Variants in DCDC1 observed in about 807,000 individuals in gnomAD.
The protein encoded by DCDC1 is doublecortin domain-containing protein 1.
Under a neutral mutation model 178.3 loss-of-function variants are expected in DCDC1, and 200 were observed. The observed-to-expected ratio is 1.12, with a 90% CI of 1.00 to 1.26. The LOEUF (loss-of-function observed/expected upper bound fraction) is 1.26. DCDC1 is among the 50% of genes most tolerant of loss of function. The pLI, the probability that DCDC1 is intolerant of heterozygous loss-of-function variation, is 0.00. For synonymous variants in DCDC1, 690 were observed against 604.8 expected, an observed-to-expected ratio of 1.14 and a Z score of -2.07; for missense variants, 1,983 against 1,749.2, an observed-to-expected ratio of 1.13 and a Z score of -2.38.
intron 34 of DCDC1, 141 bp from the exon 35 acceptor site, chr11:30,894,525 G>A: frequency 8.3e-7 from 1 of 1,199,312 alleles, no homozygotes; most frequent in Non-Finnish European, 1.1e-6. Flanking sequence ...AAGCAAAGAT[G>A]CCTAAGGTAA....
chr11:30,905,889 G>T (rs1945023427), intron 30 of DCDC1, among the ~76,000 whole-genome samples: 1 of 152,196 alleles, frequency 6.6e-6, no homozygotes. Flanking sequence ...TGGGGATGAG[G>T]TGAGCAAGCC....
At chr11:30,942,092 G>A (rs551495118) in intron 21 of DCDC1, among the ~76,000 whole-genome samples, 1 of 152,256 alleles carries the variant, frequency 6.6e-6, no homozygotes, top group South Asian at 2.1e-4. Flanking sequence ...ATATTGCAGA[G>A]GGTAGATGAT....
At chr11:31,048,949 T>C (rs1353420237) in intron 20 of DCDC1, among the ~76,000 whole-genome samples, 1 of 152,122 alleles carries the variant, frequency 6.6e-6, no homozygotes, top group Non-Finnish European at 1.5e-5. Flanking sequence ...TATTCTTAAC[T>C]TATTTGAAAT....
intron 20 of DCDC1, among the ~76,000 whole-genome samples, chr11:30,970,107 TG>T (rs539952304): frequency 3.1e-3 from 475 of 152,294 alleles, no homozygotes; most frequent in Non-Finnish European, 4.2e-3. Context: ...ATCCCCAGTG[TG>T]GGGAAAGGGT....
intron 9 of DCDC1, among the ~76,000 whole-genome samples, chr11:31,195,197 T>C (rs989546886): frequency 6.6e-6 from 1 of 152,058 alleles, no homozygotes; most frequent in Non-Finnish European, 1.5e-5. Flanking sequence ...GTAGGAATTG[T>C]GATATAGCGA....
At chr11:31,175,780 C>T (rs1226145385) in intron 9 of DCDC1, among the ~76,000 whole-genome samples, 1 of 152,186 alleles carries the variant, frequency 6.6e-6, no homozygotes, top group African/African-American at 2.4e-5. Flanking sequence ...GCCACTAAAG[C>T]AATCACAGAT....
chr11:30,953,866 AGC>A (rs1321816882), intron 20 of DCDC1, among the ~76,000 whole-genome samples: 1 of 152,148 alleles, frequency 6.6e-6, no homozygotes, highest in African/African-American at 2.4e-5. Context: ...AAAATATAAT[AGC>A]AAATCTCTTG....
rs574794263 is a variant in DCDC1 at position 31,257,564 on chromosome 11, C to T, written c.1054+7943G>A. Among the ~76,000 whole-genome samples, 269 of 152,070 alleles carry T rather than the reference C, an allele frequency of 1.8e-3. 1 individual carries two copies. Among genetic ancestry groups the T allele is most frequent in the African/African-American group, 6.3e-3 (261 of 41,494 alleles). Reference sequence around the variant, plus strand: ...TGAAAATATGCTTAATTATTATGATCAGAATAGAACAGTGTATGCATGAAA... The same window carrying T: ...TGAAAATATGCTTAATTATTATGATTAGAATAGAACAGTGTATGCATGAAA... On this transcript the variant is annotated intron_variant, in intron 8 of 38. Coordinates refer to ENST00000684477, the MANE Select transcript of DCDC1 (RefSeq NM_001387274.1).
intron 3 of DCDC1, among the ~76,000 whole-genome samples, chr11:31,315,367 G>C (rs1329342320): frequency 4.2e-5 from 5 of 120,084 alleles, no homozygotes; most frequent in African/African-American, 9.5e-5. Context: ...ACCCAGGCTG[G>C]AGTACAGTGG....
At chr11:30,912,727 T>C (rs172073) in intron 27 of DCDC1, among the ~76,000 whole-genome samples, 103,129 of 152,062 alleles carry the variant, frequency 0.68, 35,320 homozygotes, top group Middle Eastern at 0.8. Context: ...TCCTGAACCC[T>C]AGCCTTGGGG....
chr11:30,888,126 G>GAAAGAA (rs1565030157), intron 36 of DCDC1, among the ~76,000 whole-genome samples: 1 of 127,940 alleles, frequency 7.8e-6, no homozygotes, highest in Non-Finnish European at 1.7e-5. Context: ...AAGAAAGAAA[G>GAAAGAA]AAAGAAAGAA....
intron 9 of DCDC1, among the ~76,000 whole-genome samples, chr11:31,180,863 G>C (rs1470654590): frequency 6.6e-6 from 1 of 151,838 alleles, no homozygotes; most frequent in Non-Finnish European, 1.5e-5. Context: ...CAGTGAGACA[G>C]AACTGTTCAC....
At chr11:31,209,792 T>C (rs935161281) in intron 9 of DCDC1, among the ~76,000 whole-genome samples, 1 of 151,838 alleles carries the variant, frequency 6.6e-6, no homozygotes, top group Admixed American at 6.6e-5. Context: ...GTCAAGAGAG[T>C]AGAAGAATTG....
intron 38 of DCDC1, among the ~76,000 whole-genome samples, chr11:30,877,048 G>T (rs551666469): frequency 6.4e-4 from 98 of 152,248 alleles, no homozygotes; most frequent in African/African-American, 2.2e-3. Flanking sequence ...TAGAGAAAAT[G>T]TCTGTAAAAG....
chr11:31,352,389 A>T (rs17248064), intron 1 of DCDC1, among the ~76,000 whole-genome samples: 43,267 of 152,090 alleles, frequency 0.28, 7,015 homozygotes, highest in Non-Finnish European at 0.35. Flanking sequence ...TGTTTTTACT[A>T]AACAAGTTCA....
chr11:31,023,858 A>G (rs1953053263), intron 20 of DCDC1, among the ~76,000 whole-genome samples: 1 of 152,122 alleles, frequency 6.6e-6, no homozygotes, highest in South Asian at 2.1e-4. Context: ...TTTTAAAATT[A>G]TCCACCAAAT....
At chr11:31,209,899 C>T (rs1421302619) in intron 9 of DCDC1, among the ~76,000 whole-genome samples, 1 of 152,156 alleles carries the variant, frequency 6.6e-6, no homozygotes, top group East Asian at 1.9e-4. Flanking sequence ...GAAAGAGGGA[C>T]AGTCAGTCCA....
At chr11:31,008,519 G>A (rs1453026865) in intron 20 of DCDC1, among the ~76,000 whole-genome samples, 1 of 152,282 alleles carries the variant, frequency 6.6e-6, no homozygotes, top group East Asian at 1.9e-4. Flanking sequence ...AGCTGCTACA[G>A]GTGTTTCAAA....
At chr11:31,316,970 A>C (rs1246202940) in intron 3 of DCDC1, among the ~76,000 whole-genome samples, 1 of 44,176 alleles carries the variant, frequency 2.3e-5, no homozygotes, top group Non-Finnish European at 3.7e-5. Flanking sequence ...AGTTGTAGAT[A>C]TGCGGCATTA....
Sources: gnomAD v4.1 joint callset for allele counts (sites outside exome capture counted in the v4.1 genomes callset) on GRCh38, gnomAD v4.1.1 for gene constraint, MANE v1.5 for transcripts, NCBI Gene and HGNC (gene_info 2026-07-23, HGNC 2026-07-21) for gene names.